Variants in CADM2 observed in about 807,000 individuals in gnomAD.
CADM2 encodes immunoglobulin superfamily member 4D.
In CADM2, 12 loss-of-function variants were observed where a neutral mutation model predicts 49.8. The ratio of observed to expected loss-of-function variants is 0.24; its 90% CI spans 0.15 to 0.39. The LOEUF is 0.39. Among genes scored for constraint, CADM2 ranks in the 10% least tolerant of loss-of-function variants. The probability of loss-of-function intolerance (pLI) is 1.00; values close to 1 mark genes in which losing one functional copy is unlikely to be tolerated. For missense variants in CADM2, 378 were observed against 492.3 expected, an observed-to-expected ratio of 0.77 and a Z score of 2.20; for synonymous variants, 214 against 175.4, an observed-to-expected ratio of 1.22 and a Z score of -1.74.
At chr3:84,993,986 T>C (rs1017418209) in intron 1 of CADM2, among the ~76,000 whole-genome samples, 6 of 152,202 alleles carry the variant, frequency 3.9e-5, no homozygotes, top group African/African-American at 1.4e-4. Context: ...GCTTGCAAAT[T>C]AGTGTAAGCT....
chr3:85,692,955 C>T (rs1318570144), intron 1 of CADM2, among the ~76,000 whole-genome samples: 3 of 152,104 alleles, frequency 2.0e-5, no homozygotes, highest in Non-Finnish European at 4.4e-5. Flanking sequence ...GGAGGCCGGG[C>T]GGAGTGGTTC....
intron 8 of CADM2, among the ~76,000 whole-genome samples, chr3:86,061,297 A>G (rs1417003443): frequency 6.6e-6 from 1 of 152,076 alleles, no homozygotes; most frequent in South Asian, 2.1e-4. Context: ...TGTTTTTAGA[A>G]GTCCTTCAAC....
At chr3:85,654,497 G>T (rs960298588) in intron 1 of CADM2, among the ~76,000 whole-genome samples, 1 of 152,128 alleles carries the variant, frequency 6.6e-6, no homozygotes, top group Non-Finnish European at 1.5e-5. Flanking sequence ...TTGTGAGTGT[G>T]CCCTTTTCTC....
intron 1 of CADM2, among the ~76,000 whole-genome samples, chr3:85,145,567 G>T (rs2039713586): frequency 6.6e-6 from 1 of 151,856 alleles, no homozygotes. Flanking sequence ...AAACTGTAAG[G>T]TAGGTGATAT....
At chr3:85,776,678 A>G (rs1041401414) in intron 2 of CADM2, among the ~76,000 whole-genome samples, 2 of 152,116 alleles carry the variant, frequency 1.3e-5, no homozygotes, top group African/African-American at 2.4e-5. Context: ...GAGAGAATAT[A>G]TTTTTGTGCA....
At chr3:85,216,225 T>A (rs2041921323) in intron 1 of CADM2, among the ~76,000 whole-genome samples, 2 of 150,056 alleles carry the variant, frequency 1.3e-5, no homozygotes, top group African/African-American at 2.4e-5. Flanking sequence ...AATATATTTG[T>A]AAATTATTTT....
At chr3:85,309,085 A>T (rs2044282333) in intron 1 of CADM2, among the ~76,000 whole-genome samples, 1 of 152,064 alleles carries the variant, frequency 6.6e-6, no homozygotes, top group South Asian at 2.1e-4. Flanking sequence ...TCCTTTGTCA[A>T]TATATTTGGG....
chr3:85,896,645 G>A (rs573732792), intron 5 of CADM2, among the ~76,000 whole-genome samples: 24 of 152,240 alleles, frequency 1.6e-4, no homozygotes, highest in African/African-American at 4.3e-4. Context: ...ATTATATACC[G>A]TGTGTTTCAA....
intron 1 of CADM2, among the ~76,000 whole-genome samples, chr3:85,400,206 T>A (rs1188469827): frequency 6.6e-6 from 1 of 152,180 alleles, no homozygotes; most frequent in East Asian, 1.9e-4. Context: ...ATTGAGATAA[T>A]CATGTGGTTT....
intron 1 of CADM2, among the ~76,000 whole-genome samples, chr3:85,029,508 G>T (rs577396142): frequency 6.6e-6 from 1 of 152,126 alleles, no homozygotes; most frequent in South Asian, 2.1e-4. Context: ...GTTTCACAAA[G>T]CAAAAAAGGG....
At chr3:85,715,003 A>G (rs2067241138) in intron 1 of CADM2, among the ~76,000 whole-genome samples, 1 of 152,186 alleles carries the variant, frequency 6.6e-6, no homozygotes, top group Admixed American at 6.5e-5. Context: ...TGGAAAAAAA[A>G]TTATCAGTGG....
chr3:85,247,544 C>A (rs913178797), intron 1 of CADM2, among the ~76,000 whole-genome samples: 10 of 151,912 alleles, frequency 6.6e-5, no homozygotes, highest in African/African-American at 2.4e-4. Flanking sequence ...ATTTAAATAT[C>A]CAAAATGATA....
chr3:85,065,489 C>T (rs1399673133), intron 1 of CADM2, among the ~76,000 whole-genome samples: 1 of 152,066 alleles, frequency 6.6e-6, no homozygotes, highest in Non-Finnish European at 1.5e-5. Context: ...TGGAAAATCT[C>T]AATACACCTT....
chr3:85,763,209 C>T lies in CADM2; in HGVS notation c.88+36661C>T, dbSNP rs568976948. ...TGAACCTGGATCCAGAAGCAGGAGC[C>T]TCTGTTCTATATATAAAAAGAAACT... On this transcript the variant is annotated intron_variant, in intron 2 of 9. Coordinates refer to ENST00000383699, the MANE Select transcript of CADM2 (RefSeq NM_001167675.2). 3.3e-5 allele frequency among the ~76,000 whole-genome samples: 5 copies of T among 152,246 alleles called. No homozygotes were observed. In the East Asian group the frequency reaches 9.7e-4, roughly 29 times the overall value.
chr3:85,779,891 G>A (rs1190844174), intron 2 of CADM2, among the ~76,000 whole-genome samples: 4 of 152,184 alleles, frequency 2.6e-5, no homozygotes, highest in East Asian at 1.9e-4. Context: ...TTTTAAATAC[G>A]AAAGGAGCTA....
At chr3:85,139,312 CT>C (rs2039509494) in intron 1 of CADM2, among the ~76,000 whole-genome samples, 1 of 151,962 alleles carries the variant, frequency 6.6e-6, no homozygotes, top group Non-Finnish European at 1.5e-5. Context: ...TTTTGGAATT[CT>C]TTTGAACTAT....
intron 1 of CADM2, among the ~76,000 whole-genome samples, chr3:85,404,644 C>T (rs2035286784): frequency 6.6e-6 from 1 of 152,050 alleles, no homozygotes; most frequent in Non-Finnish European, 1.5e-5. Flanking sequence ...TGCAGTTCAA[C>T]TGCTTGAGTT....
At chr3:85,121,862 C>T (rs921189649) in intron 1 of CADM2, among the ~76,000 whole-genome samples, 1 of 152,074 alleles carries the variant, frequency 6.6e-6, no homozygotes, top group Non-Finnish European at 1.5e-5. Flanking sequence ...AGTTATTTGG[C>T]ATAAATGAAT....
intron 3 of CADM2, among the ~76,000 whole-genome samples, chr3:85,842,670 A>T (rs1265479091): frequency 1.3e-5 from 2 of 152,096 alleles, no homozygotes; most frequent in Admixed American, 1.3e-4. Context: ...TGCAGATCTC[A>T]TCTAGGATTG....
Sources: gnomAD v4.1 joint callset for allele counts (sites outside exome capture counted in the v4.1 genomes callset) on GRCh38, gnomAD v4.1.1 for gene constraint, MANE v1.5 for transcripts, NCBI Gene and HGNC (gene_info 2026-07-23, HGNC 2026-07-21) for gene names.